The following LAD1 variants were observed in gnomAD, a reference collection of about 807,000 sequenced individuals.
The protein encoded by LAD1 is ladinin-1.
In LAD1, 53 loss-of-function variants were observed where a neutral mutation model predicts 54.2. That is an observed-to-expected ratio of 0.98 (90% CI 0.78 to 1.23). The LOEUF (loss-of-function observed/expected upper bound fraction) is 1.23, where lower values mean the gene tolerates loss of function less well. Ranked by LOEUF, LAD1 falls within the 50% of genes most tolerant of loss-of-function variation. The pLI is 0.00. For synonymous variants in LAD1, 231 were observed against 257.7 expected (o/e 0.90, Z 0.99); for missense variants, 637 against 653.3 (o/e 0.98, Z 0.27).
At chr1:201,396,635 AC>A (rs138264958) in intron 1 of LAD1, among the ~76,000 whole-genome samples, 11,609 of 152,038 alleles carry the variant, frequency 0.076, 477 homozygotes, top group African/African-American at 0.088. Flanking sequence ...ATTTTGTGGA[AC>A]CCTGGGGCTC....
Position 201,386,564 on chromosome 1 carries a change from G to A in LAD1, c.797C>T (p.Ala266Val). Residue 266 changes from alanine (A) to valine (V), a missense_variant, in exon 3 of 10, where the codon GCA becomes GTA. Ala to Val is a moderately conservative substitution (Grantham distance 64). Coordinates refer to ENST00000391967, the MANE Select transcript of LAD1 (RefSeq NM_005558.4). ...AGTTGGGCTCTTCTCTGAGGCCAGT[G>A]CCTTCTCAAAGATGGAAGCTTTCTC... ...VSEKASIFEK[A>V]LASEKSPTAD... 1 of 1,613,908 alleles carries A rather than the reference G, an allele frequency of 6.2e-7. No individual in the cohort carries two copies. The highest frequency in any genetic ancestry group is 8.5e-7 in the Non-Finnish European group (1 of 1,179,948).
chr1:201,381,976 C>G, intron 9 of LAD1, 83 bp from the exon 10 acceptor site: 1 of 1,458,616 alleles, frequency 6.9e-7, no homozygotes, highest in African/African-American at 1.4e-5. Flanking sequence ...GGAAGGCATC[C>G]CTTTGCCCAA....
chr1:201,381,465 A>C lies in LAD1; in HGVS notation c.*423T>G. ...GATGGGTGGGTCCAGGCCTCAGAGA[A>C]GGGGGACATCATAGACAAAGAGGCA... On this transcript the variant is annotated 3_prime_UTR_variant, in exon 10 of 10. Transcript: ENST00000391967. 1 of 266,900 alleles carries C rather than the reference A, an allele frequency of 3.7e-6. No homozygotes were observed. Among genetic ancestry groups the C allele is most frequent in the Non-Finnish European group, 7.2e-6 (1 of 138,142 alleles). The allele number at this position is 266,900 out of a possible 1,614,324, so 16.5% of individuals were successfully genotyped here.
At chr1:201,389,050 T>G in intron 2 of LAD1, 110 bp downstream of exon 2, 1 of 1,311,562 alleles carries the variant, frequency 7.6e-7, no homozygotes, top group Middle Eastern at 1.9e-4. Flanking sequence ...CATCACACCC[T>G]TCAGCCTCAT....
intron 1 of LAD1, among the ~76,000 whole-genome samples, chr1:201,397,601 T>G (rs1364444508): frequency 6.7e-6 from 1 of 149,702 alleles, no homozygotes; most frequent in Non-Finnish European, 1.5e-5. Context: ...AGACACAAAA[T>G]CACATATATC....
chr1:201,399,187 G>A, intron 1 of LAD1, 82 bp downstream of exon 1: 1 of 1,151,828 alleles, frequency 8.7e-7, no homozygotes, highest in South Asian at 1.3e-5. Context: ...CCCAGGCGGG[G>A]AGGAGGCCGG....
chr1:201,391,867 G>A (rs1392159677), intron 1 of LAD1, among the ~76,000 whole-genome samples: 1 of 152,204 alleles, frequency 6.6e-6, no homozygotes, highest in Non-Finnish European at 1.5e-5. Flanking sequence ...AAGTCAGCTG[G>A]GGGAGCCCTT....
chr1:201,386,627 G>C lies in LAD1; in HGVS notation c.734C>G (p.Pro245Arg), dbSNP rs370763930. Residue 245 changes from proline (P) to arginine (R), a missense_variant, in exon 3 of 10, where the codon CCA becomes CGA. By Grantham distance (103) the Pro-to-Arg change is moderately radical. Coordinates refer to ENST00000391967, the MANE Select transcript of LAD1 (RefSeq NM_005558.4). ...KTSVSEKSLA[P>R]GMALGSGRRL... ...CCTTCCTGAGCCCAGTGCCATCCCT[G>C]GGGCCAGCGACTTCTCAGAGACACT... 10 of 1,614,046 alleles carry C rather than the reference G, an allele frequency of 6.2e-6. No individual in the cohort carries two copies. Among genetic ancestry groups the C allele is most frequent in the Non-Finnish European group, 8.5e-6 (10 of 1,180,026 alleles).
chr1:201,384,556 C>T (rs1662034852), intron 5 of LAD1, among the ~76,000 whole-genome samples: 1 of 152,164 alleles, frequency 6.6e-6, no homozygotes, highest in South Asian at 2.1e-4. Context: ...CCACCCAAGC[C>T]CTGCCTCCTC....
chr1:201,386,585 T>C lies in LAD1; in HGVS notation c.776A>G (p.Lys259Arg). 3 of 1,614,112 alleles carry C rather than the reference T, an allele frequency of 1.9e-6. No individual in the cohort carries two copies. The South Asian group carries it at 3.3e-5, about 18-fold the overall frequency. Residue 259 changes from lysine to arginine, a missense_variant, in exon 3 of 10, where the codon AAA (lysine) becomes AGA (arginine). Transcript: ENST00000391967. The part of the protein sequence containing the change: ...LGSGRRLVSE[K>R]ASIFEKALAS... ...CAGTGCCTTCTCAAAGATGGAAGCT[T>C]TCTCAGACACCAGCCTCCTTCCTGA...
At chr1:201,387,220 G>C in intron 2 of LAD1, 42 bp from the exon 3 acceptor site, 1 of 1,470,856 alleles carries the variant, frequency 6.8e-7, no homozygotes, top group East Asian at 2.4e-5. Context: ...GATAGAGGTG[G>C]AAGATACCCT....
rs1490904512 is a variant in LAD1 at position 201,382,255 on chromosome 1, A to G, written c.1545T>C (p.Ala515=). ...WGQKSDSSLD[A]EV is the part of the protein sequence containing the mutation. ...CAGGCTCCTCCCCACCATTCACCTC[A>G]GCGTCCAGCGAGGAGTCAGATTTCT... Residue 515 remains alanine, a synonymous_variant, in exon 9 of 10, where the codon GCT becomes GCC. Transcript: ENST00000391967. The G allele has an allele frequency of 6.2e-7, 1 of 1,612,552 alleles. No individual in the cohort carries two copies. Among genetic ancestry groups the G allele is most frequent in the East Asian group, 2.2e-5 (1 of 44,860 alleles).
intron 1 of LAD1, chr1:201,391,056 A>G (rs1662188695): frequency 2.2e-6 from 1 of 453,774 alleles, no homozygotes; most frequent in Admixed American, 2.4e-5. Context: ...GGAAGGGAAG[A>G]CTTACAAACA....
chr1:201,399,241 G>A (rs748739963), intron 1 of LAD1, 28 bp downstream of exon 1: 2 of 1,463,104 alleles, frequency 1.4e-6, no homozygotes, highest in African/African-American at 1.4e-5. Flanking sequence ...CCGACCCCCC[G>A]CCCCTCCCGG....
intron 9 of LAD1, 34 bp downstream of exon 9, chr1:201,382,218 C>A: frequency 1.9e-6 from 3 of 1,562,060 alleles, no homozygotes; most frequent in Non-Finnish European, 2.6e-6. Context: ...CCGTGGCCCT[C>A]CGCCGTAGGG....
chr1:201,386,439 G>A lies in LAD1; in HGVS notation c.922C>T (p.Gln308Ter). Residue 308 changes from glutamine to a stop codon, truncating the protein, a stop_gained, in exon 3 of 10, where the codon CAG becomes TAG. Transcript: ENST00000391967. LOFTEE classifies it high-confidence loss of function. ...TTCCCAGGGAGGGCCCTTCCTCTCT[G>A]CTCCTTGGTGGTGGCTGGGCTTCCC... ...SGGSPATTKE[Q>*]RGRALPGKNL... 1 of 1,539,628 alleles carries A rather than the reference G, an allele frequency of 6.5e-7. No individual in the cohort carries two copies. The highest frequency in any genetic ancestry group is 1.3e-5 in the South Asian group (1 of 76,578).
intron 1 of LAD1, among the ~76,000 whole-genome samples, chr1:201,394,774 CT>C (rs1662260397): frequency 6.6e-6 from 1 of 152,186 alleles, no homozygotes. Context: ...GGAAACAGCT[CT>C]TGCCCTCCAA....
chr1:201,387,864 T>G (rs1662127050), intron 2 of LAD1, among the ~76,000 whole-genome samples: 1 of 152,214 alleles, frequency 6.6e-6, no homozygotes, highest in Non-Finnish European at 1.5e-5. Flanking sequence ...CAAAAGGAGA[T>G]TATTTTCCTT....
intron 9 of LAD1, 98 bp from the exon 10 acceptor site, chr1:201,381,991 C>A: frequency 7.5e-7 from 1 of 1,326,374 alleles, no homozygotes; most frequent in East Asian, 2.3e-5. Context: ...GCCCAAGCCC[C>A]ACACCCACAA....
Sources: allele counts gnomAD v4.1 joint callset (sites outside exome capture counted in the v4.1 genomes callset), GRCh38; gene constraint gnomAD v4.1.1; transcripts MANE v1.5; gene names NCBI Gene and HGNC (gene_info 2026-07-23, HGNC 2026-07-21).